Variants in AR observed in about 807,000 individuals in gnomAD.
AR encodes androgen receptor, also known as dihydrotestosterone receptor.
Under a neutral mutation model 53.9 loss-of-function variants are expected in AR, and 8 were observed. The observed-to-expected ratio is 0.15, with a 90% CI of 0.09 to 0.27. The LOEUF (loss-of-function observed/expected upper bound fraction) is 0.27. Ranked by LOEUF, AR falls within the 10% of genes least tolerant of loss-of-function variation. AR has a pLI of 1.00. For synonymous variants in AR, 359 were observed against 316.4 expected (o/e 1.13, Z -1.43); for missense variants, 639 against 742.5 (o/e 0.86, Z 1.62).
chrX:67,603,142 T>A (rs1195558062), intron 1 of AR, among the ~76,000 whole-genome samples: 1 of 111,707 alleles, frequency 9.0e-6, no homozygotes, highest in Middle Eastern at 4.2e-3. Context: ...TTTCCCACAA[T>A]GCAATTTTAG....
Position 67,631,657 on chromosome X carries a change from G to A in AR, c.1617-11599G>A, listed in dbSNP as rs755605953. On this transcript the variant is annotated intron_variant, in intron 1 of 7. Transcript: ENST00000374690. ...TCTCATCTCATCAAAGTCATTCTCT[G>A]TCCAGCTTTGTTCCGTTGCTGGTGA... is the stretch of plus-strand genomic sequence containing the variant. Among the ~76,000 whole-genome samples, 30 of 112,503 alleles carry A rather than the reference G, an allele frequency of 2.7e-4. No homozygotes were observed. The South Asian group carries it at 9.5e-3, about 36-fold the overall frequency.
chrX:67,626,370 A>G (rs1276091270), intron 1 of AR, among the ~76,000 whole-genome samples: 2 of 106,419 alleles, frequency 1.9e-5, no homozygotes, highest in Non-Finnish European at 3.8e-5. Flanking sequence ...TTTCTGTGCC[A>G]GGTTTATTTC....
rs1602142254 is a variant in AR, at chrX:67,544,063, G to A, written c.-1084G>A. The A allele has an allele frequency of 2.9e-5, 5 of 171,549 alleles. No individual in the cohort carries two copies. In the East Asian group the frequency reaches 4.2e-4, roughly 14 times the overall value. 14.1% of individuals were successfully genotyped at this position (171,549 alleles called of 1,213,427 possible). On this transcript the variant is annotated 5_prime_UTR_variant, in exon 1 of 8. Transcript: ENST00000374690. The stretch of plus-strand genomic sequence containing the variant: ...CCCGGGGAGCCAGCTTGCTGGGAGA[G>A]CGGGACGGTCCGGAGCAAGCCCAGA...
intron 2 of AR, among the ~76,000 whole-genome samples, chrX:67,656,342 A>G (rs1045674497): frequency 3.6e-5 from 4 of 111,115 alleles, no homozygotes; most frequent in Non-Finnish European, 3.8e-5. Context: ...TATAAAGAGC[A>G]CCTACCTGCG....
At chrX:67,557,068 A>G (rs1264319197) in intron 1 of AR, among the ~76,000 whole-genome samples, 1 of 110,399 alleles carries the variant, frequency 9.1e-6, no homozygotes, top group African/African-American at 3.3e-5. Context: ...CCTCCTCTTC[A>G]TAACATCTGT....
intron 1 of AR, among the ~76,000 whole-genome samples, chrX:67,611,059 A>C (rs1298995755): frequency 1.8e-5 from 2 of 111,845 alleles, no homozygotes; most frequent in Non-Finnish European, 3.8e-5. Context: ...TAGATTAAGT[A>C]GTGAAGGACT....
In AR at chrX:67,711,477, A is replaced by T. The variant is rs1226183443; in HGVS notation, c.1961A>T (p.Glu654Val). 8.3e-7 allele frequency: 1 copy of T among 1,207,904 alleles called. No individual in the cohort carries two copies. The highest frequency in any genetic ancestry group is 2.2e-5 in the Admixed American group (1 of 45,609). Reference protein sequence around the residue: ...GEASSTTSPTEETTQKLTVSH... With the variant: ...GEASSTTSPTVETTQKLTVSH... ...GCTTCCAGCACCACCAGCCCCACTG[A>T]GGAGACAACCCAGAAGCTGACAGTG... The change falls in exon 4 of 8, where the codon GAG becomes GTG. Residue 654 changes from glutamate (E) to valine (V), a missense_variant. By Grantham distance (121) the Glu-to-Val change is moderately radical. Transcript: ENST00000374690.
Position 67,716,660 on chromosome X carries a change from A to C in AR, c.2174-818A>C, listed in dbSNP as rs753277948. Among the ~76,000 whole-genome samples the C allele has an allele frequency of 4.3e-4, 48 of 111,348 alleles. 1 individual carries two copies. Among genetic ancestry groups the C allele is most frequent in the Non-Finnish European group, 7.5e-4 (40 of 53,075 alleles). On this transcript the variant is annotated intron_variant, in intron 4 of 7. Transcript: ENST00000374690. ...TGGAGAGGAAATGCCAGGCAGAAAG[A>C]GGATGGACGCAAGAGAGGGAACATG... is the stretch of plus-strand genomic sequence containing the variant.
intron 1 of AR, among the ~76,000 whole-genome samples, chrX:67,563,550 G>A (rs1423541710): frequency 8.9e-6 from 1 of 111,764 alleles, no homozygotes; most frequent in Non-Finnish European, 1.9e-5. Context: ...GCTAGACTCT[G>A]GCTGACATAC....
intron 3 of AR, among the ~76,000 whole-genome samples, chrX:67,698,250 C>T (rs749687967): frequency 8.9e-6 from 1 of 112,468 alleles, no homozygotes; most frequent in Admixed American, 9.4e-5. Context: ...CTCTGACCTT[C>T]TAATCCTAAA....
At chrX:67,599,987 G>T (rs1043926518) in intron 1 of AR, among the ~76,000 whole-genome samples, 1 of 111,406 alleles carries the variant, frequency 9.0e-6, no homozygotes. Flanking sequence ...ATATTATATA[G>T]TTGAGTAAGA....
chrX:67,685,536 T>A (rs971095659), intron 2 of AR, among the ~76,000 whole-genome samples: 2 of 111,823 alleles, frequency 1.8e-5, no homozygotes. Flanking sequence ...GTAGAAATTT[T>A]CCTCTACTAA....
intron 1 of AR, among the ~76,000 whole-genome samples, chrX:67,556,645 T>A (rs1921066503): frequency 8.9e-6 from 1 of 111,995 alleles, no homozygotes; most frequent in Non-Finnish European, 1.9e-5. Context: ...CATCTGAGCA[T>A]GAAAAGTGCC....
rs1044352238 is a variant in AR at position 67,686,238 on chromosome X, C to T, written c.1885+112C>T. The T allele has an allele frequency of 9.3e-6, 8 of 858,600 alleles. No individual in the cohort carries two copies. In the African/African-American group the frequency reaches 1.4e-4, roughly 15 times the overall value. 70.8% of individuals were successfully genotyped at this position (858,600 alleles called of 1,213,427 possible). On this transcript the variant is annotated intron_variant, in intron 3 of 7. Transcript: ENST00000374690. ...CTTTGATGCTTCCAAGGGGACCAGC[C>T]ATGCTCTAGACACAGGCTGACCCTT... is the stretch of plus-strand genomic sequence containing the variant.
intron 3 of AR, among the ~76,000 whole-genome samples, chrX:67,704,932 G>A (rs1054510060): frequency 1.8e-5 from 2 of 111,791 alleles, no homozygotes; most frequent in Non-Finnish European, 3.8e-5. Context: ...TTTTTGTCAG[G>A]TTTGTCAAAG....
Position 67,729,198 on chromosome X carries a change from G to GT in AR, c.*5362dup, listed in dbSNP as rs763163715. 8.0e-5 allele frequency: 14 copies of GT among 174,437 alleles called. No homozygotes were observed. Among genetic ancestry groups the GT allele is most frequent in the African/African-American group, 3.8e-4 (13 of 34,160 alleles). 14.4% of individuals were successfully genotyped at this position (174,437 alleles called of 1,213,427 possible). ...TAAAGATTTTGACAAATGAAAATGTGTTTTTCTCTGTTAAAACTTGTCAGA... is the reference window on the plus strand; with the variant it reads ...TAAAGATTTTGACAAATGAAAATGTGTTTTTTCTCTGTTAAAACTTGTCAGA... On this transcript the variant is annotated 3_prime_UTR_variant, in exon 8 of 8. Coordinates refer to ENST00000374690, the MANE Select transcript of AR (RefSeq NM_000044.6).
intron 1 of AR, among the ~76,000 whole-genome samples, chrX:67,550,216 G>T (rs1159834683): frequency 8.9e-6 from 1 of 111,800 alleles, no homozygotes. Flanking sequence ...TTTCAAAGAA[G>T]TTTGCAGGCT....
chrX:67,711,775 T>C, intron 4 of AR, 86 bp downstream of exon 4: 1 of 972,485 alleles, frequency 1.0e-6, no homozygotes, highest in Non-Finnish European at 1.4e-6. Context: ...GTCTGGTGCT[T>C]TTCTGCCCAT....
intron 3 of AR, among the ~76,000 whole-genome samples, chrX:67,707,417 C>T (rs748114341): frequency 1.3e-4 from 15 of 111,555 alleles, no homozygotes; most frequent in East Asian, 2.8e-4. Context: ...CTCTTTTGAT[C>T]TTTGTTGGTT....
Sources: gnomAD v4.1 joint callset for allele counts (sites outside exome capture counted in the v4.1 genomes callset) on GRCh38, gnomAD v4.1.1 for gene constraint, MANE v1.5 for transcripts, NCBI Gene and HGNC (gene_info 2026-07-23, HGNC 2026-07-21) for gene names.